Variants in S100A13 observed in about 807,000 individuals in gnomAD.
The protein encoded by S100A13 is S100 calcium binding protein A13, also known as protein S100-A13.
In S100A13, 6 loss-of-function variants were observed where a neutral mutation model predicts 8.2. That is an observed-to-expected ratio of 0.73 (90% confidence interval 0.40 to 1.44). The LOEUF (loss-of-function observed/expected upper bound fraction) is 1.44. S100A13 is among the 40% of genes most tolerant of loss of function. S100A13 has a pLI of 0.02. For missense variants in S100A13, 114 were observed against 113.6 expected (o/e 1.00, Z -0.02); for synonymous variants, 39 against 45.9 (o/e 0.85, Z 0.61).
At chr1:153,633,677 T>C (rs550683888), upstream of S100A13, among the ~76,000 whole-genome samples, 3 of 152,124 alleles carry the variant, frequency 2.0e-5, no homozygotes, top group Non-Finnish European at 4.4e-5. Flanking sequence ...GGAAAACCAG[T>C]GCAAATTCCC....
At chr1:153,627,189 C>A (rs1444416115) in intron 1 of S100A13, 2 of 152,420 alleles carry the variant, frequency 1.3e-5, no homozygotes, top group Admixed American at 6.5e-5. Flanking sequence ...CCCCACAGAT[C>A]CTCCCCGCTC....
At chr1:153,621,694 AAAG>A (rs1407559345) in intron 2 of S100A13, among the ~76,000 whole-genome samples, 4 of 136,604 alleles carry the variant, frequency 2.9e-5, no homozygotes, top group South Asian at 2.2e-4. Flanking sequence ...AAAAAAAAAG[AAAG>A]AAAGAAAGAA....
chr1:153,622,439 G>GTTTTTTTTTTTTTTTTT, intron 2 of S100A13, among the ~76,000 whole-genome samples: 1 of 152,170 alleles, frequency 6.6e-6, no homozygotes, highest in Non-Finnish European at 1.5e-5. Context: ...ACCTTATGTT[G>GTTTTTTTTTTTTTTTTT]TTATTTTTCC....
upstream of S100A13, chr1:153,630,317 A>C: frequency 7.9e-6 from 5 of 636,406 alleles, no homozygotes; most frequent in Non-Finnish European, 1.3e-5. Flanking sequence ...GACACAGAGA[A>C]CAGGCCTGCA....
chr1:153,618,821 T>A lies in S100A13; in HGVS notation c.*74A>T, dbSNP rs1022495482. ...ACATTTGTGTTTCAAGGAGGAAGCT[T>A]TATTTGGGAAGAGTGCGGTTCTGCT... On this transcript the variant is annotated 3_prime_UTR_variant, in exon 3 of 3. Coordinates refer to ENST00000476133, the MANE Select transcript of S100A13 (RefSeq NM_001024211.2). 1.6e-5 allele frequency: 22 copies of A among 1,405,788 alleles called. No individual in the cohort carries two copies. The highest frequency in any genetic ancestry group is 2.2e-5 in the Non-Finnish European group (22 of 1,022,396). 87.1% of individuals were successfully genotyped at this position (1,405,788 alleles called of 1,614,324 possible).
chr1:153,622,098 G>A (rs1476025609), intron 2 of S100A13, among the ~76,000 whole-genome samples: 1 of 152,092 alleles, frequency 6.6e-6, no homozygotes, highest in East Asian at 1.9e-4. Flanking sequence ...AGCTGGTCTC[G>A]GTGGCTCACC....
chr1:153,622,042 A>G (rs941231059), intron 2 of S100A13, among the ~76,000 whole-genome samples: 1 of 152,026 alleles, frequency 6.6e-6, no homozygotes, highest in African/African-American at 2.4e-5. Context: ...AAACTGGTAC[A>G]ACTTTTTTAG....
chr1:153,628,435 G>A (rs747065770), upstream of S100A13: 1 of 1,550,734 alleles, frequency 6.4e-7, no homozygotes, highest in South Asian at 1.2e-5. Flanking sequence ...AGCTCCAGCA[G>A]CCACATTTGC....
At chr1:153,630,609 A>C, upstream of S100A13, 1 of 1,614,274 alleles carries the variant, frequency 6.2e-7, no homozygotes, top group Non-Finnish European at 8.5e-7. Context: ...GTACAAGCTG[A>C]GCAAGAAGGA....
At chr1:153,632,786 G>A (rs1668100175), upstream of S100A13, among the ~76,000 whole-genome samples, 1 of 152,266 alleles carries the variant, frequency 6.6e-6, no homozygotes, top group East Asian at 1.9e-4. Context: ...GTCTTGACGT[G>A]CCAGTGGAGC....
At chr1:153,631,771 T>C, upstream of S100A13, 1 of 1,614,158 alleles carries the variant, frequency 6.2e-7, no homozygotes, top group Non-Finnish European at 8.5e-7. Flanking sequence ...GAGGTGGACT[T>C]CCAGGAGTAT....
At chr1:153,621,871 TAA>T (rs200445117) in intron 2 of S100A13, among the ~76,000 whole-genome samples, 1 of 136,774 alleles carries the variant, frequency 7.3e-6, no homozygotes, top group African/African-American at 2.7e-5. Context: ...TCAAAAAAAT[TAA>T]AAAAAAAAAA....
upstream of S100A13, chr1:153,628,810 C>T (rs1407884682): frequency 5.2e-6 from 2 of 386,072 alleles, no homozygotes; most frequent in African/African-American, 2.0e-5. Context: ...CCAAGGCCCC[C>T]TCTGTCTCCC....
upstream of S100A13, chr1:153,631,930 C>T (rs1183938886): frequency 1.3e-6 from 2 of 1,515,842 alleles, no homozygotes; most frequent in East Asian, 2.3e-5. Context: ...ACTTATCCCT[C>T]TCCATAACCC....
chr1:153,624,744 G>C (rs765816742), intron 2 of S100A13, among the ~76,000 whole-genome samples: 2 of 152,124 alleles, frequency 1.3e-5, no homozygotes, highest in East Asian at 3.9e-4. Context: ...TTTGAGACCA[G>C]CTTGGGAAAC....
chr1:153,631,395 A>T, upstream of S100A13: 4 of 1,375,074 alleles, frequency 2.9e-6, no homozygotes, highest in Non-Finnish European at 4.0e-6. Context: ...AACATACCTC[A>T]CATTATTTGT....
chr1:153,628,937 C>T (rs74118318), upstream of S100A13: 3,900 of 167,022 alleles, frequency 0.023, 151 homozygotes, highest in African/African-American at 0.088. Context: ...CTCTGCCACC[C>T]CCACCCTGCC....
upstream of S100A13, chr1:153,630,534 C>T: frequency 3.7e-6 from 6 of 1,614,206 alleles, no homozygotes; most frequent in Non-Finnish European, 4.2e-6. Context: ...GGGCTCTGAG[C>T]TGGAGACGGC....
intron 2 of S100A13, among the ~76,000 whole-genome samples, chr1:153,624,322 G>A (rs115313818): frequency 2.0e-4 from 30 of 152,254 alleles, no homozygotes; most frequent in Admixed American, 4.6e-4. Flanking sequence ...TTGTCTGTGC[G>A]GATGCTGAAG....
Sources: allele counts gnomAD v4.1 joint callset (sites outside exome capture counted in the v4.1 genomes callset), GRCh38; gene constraint gnomAD v4.1.1; transcripts MANE v1.5; gene names NCBI Gene and HGNC (gene_info 2026-07-23, HGNC 2026-07-21).